Variants in ENG observed in about 807,000 individuals in gnomAD.
The protein encoded by ENG is endoglin, also known as CD105 antigen.
A neutral mutation model predicts 71.0 loss-of-function variants in ENG; 17 were observed. The ratio of observed to expected loss-of-function variants is 0.24; its 90% CI spans 0.16 to 0.36. ENG has a LOEUF of 0.36. Ranked by LOEUF, ENG falls within the 10% of genes least tolerant of loss-of-function variation. The pLI is 1.00. For missense variants in ENG, 749 were observed against 868.3 expected, an observed-to-expected ratio of 0.86 and a Z score of 1.73; for synonymous variants, 360 against 366.9, an observed-to-expected ratio of 0.98 and a Z score of 0.21.
At position 127,831,975 on chromosome 9, in the gene ENG, A is replaced by G. The variant is rs534788968; in HGVS notation, c.220-2148T>C. Among the ~76,000 whole-genome samples, 5 of 151,162 alleles carry G rather than the reference A, an allele frequency of 3.3e-5. No homozygotes were observed. The East Asian group carries it at 9.8e-4, about 30-fold the overall frequency. On this transcript the variant is annotated intron_variant, in intron 2 of 14. Coordinates refer to ENST00000373203, the MANE Select transcript of ENG (RefSeq NM_001114753.3). ...TTCCAGGCTAGAGTGCAGTGGTGCA[A>G]TCATGGCTCACTGCAGCCTCAACCT...
chr9:127,824,424 G>A lies in ENG; in HGVS notation c.1014C>T (p.Pro338=), dbSNP rs1057522787. Residue 338 remains proline (P), a synonymous_variant, in exon 8 of 15, where the codon CCC becomes CCT. Transcript: ENST00000373203. ...SSCGGRLQTS[P]APIQTTPPKD... is the part of the protein sequence containing the mutation. ...TGGGAGGAGTGGTCTGGATCGGTGC[G>A]GGTGAGGTCTGCAGCCTACCACCTG... 17 of 1,613,978 alleles carry A rather than the reference G, an allele frequency of 1.1e-5. No homozygotes were observed. The highest frequency in any genetic ancestry group is 8.0e-5 in the African/African-American group (6 of 74,898).
chr9:127,817,997 C>T lies in ENG; in HGVS notation c.1686+123G>A. 2.6e-6 allele frequency: 4 copies of T among 1,521,428 alleles called. No homozygotes were observed. The South Asian group carries it at 3.4e-5, about 13-fold the overall frequency. The allele number at this position is 1,521,428 out of a possible 1,614,324, so 94.2% of individuals were successfully genotyped here. ...GCAGCCAGACTGCCAGGCCACATGC[C>T]TGATTAAGGCTCCGCCCCTCACCAG... On this transcript the variant is annotated intron_variant, in intron 12 of 14. Transcript: ENST00000373203.
rs1305397134 is a variant in ENG at position 127,846,349 on chromosome 9, GTC to G, written c.68-3106_68-3105del. On this transcript the variant is annotated intron_variant, in intron 1 of 14. Coordinates refer to ENST00000373203, the MANE Select transcript of ENG (RefSeq NM_001114753.3). This position sits in a 1 kb window ranked among gnomAD's most constrained non-coding sequence, Gnocchi z 5.5. The stretch of plus-strand genomic sequence containing the variant: ...GTCTGGAGGGACGGGACAGGTCAAA[GTC>G]TCACAGCACATGGTTGACCAGGCCG... 1.3e-5 allele frequency among the ~76,000 whole-genome samples: 2 copies of G among 152,194 alleles called. No individual in the cohort carries two copies. The highest frequency in any genetic ancestry group is 4.8e-5 in the African/African-American group (2 of 41,446).
At position 127,817,060 on chromosome 9, in the gene ENG, G is replaced by A. The variant is rs1224982633; in HGVS notation, c.1741+89C>T. 2.0e-6 allele frequency: 3 copies of A among 1,475,134 alleles called. No individual in the cohort carries two copies. The African/African-American group carries it at 4.2e-5, about 20-fold the overall frequency. The allele number at this position is 1,475,134 out of a possible 1,614,324, so 91.4% of individuals were successfully genotyped here. ...TGGGGTCCCCCTTGCCATGTGCTAT[G>A]TGCCCAGGCCGTTTCTCAGGGCTGC... On this transcript the variant is annotated intron_variant, in intron 13 of 14. Transcript: ENST00000373203.
At chr9:127,826,924 C>A (rs1376707561) in intron 3 of ENG, 2 of 521,758 alleles carry the variant, frequency 3.8e-6, no homozygotes, top group East Asian at 3.5e-5. Flanking sequence ...CAAACATCAC[C>A]CACCCCTCCA....
At chr9:127,853,894 G>A (rs990018104) in intron 1 of ENG, among the ~76,000 whole-genome samples, 5 of 152,192 alleles carry the variant, frequency 3.3e-5, no homozygotes, top group African/African-American at 9.6e-5. Flanking sequence ...ACCCAGAGAC[G>A]GTGCTCAGAG....
At chr9:127,817,968 G>C in intron 12 of ENG, 152 bp downstream of exon 12, 1 of 1,279,942 alleles carries the variant, frequency 7.8e-7, no homozygotes, top group Admixed American at 2.1e-5. Flanking sequence ...AGAAAGTGCT[G>C]CTGGCAGCCA....
intron 2 of ENG, among the ~76,000 whole-genome samples, chr9:127,841,561 T>G (rs1831032829): frequency 6.6e-6 from 1 of 152,122 alleles, no homozygotes; most frequent in African/African-American, 2.4e-5. Flanking sequence ...ATTTGGAAAT[T>G]ATCAAAGCCC....
At chr9:127,842,220 CTTTTCTTTTTTTTT>C (rs1244607771) in intron 2 of ENG, among the ~76,000 whole-genome samples, 4 of 87,870 alleles carry the variant, frequency 4.6e-5, no homozygotes, top group Non-Finnish European at 6.2e-5. Context: ...TTCTCTTTTT[CTTTTCTTTTTTTTT>C]TTTTTTTTTT....
At chr9:127,832,345 A>G (rs561893427) in intron 2 of ENG, among the ~76,000 whole-genome samples, 36 of 151,984 alleles carry the variant, frequency 2.4e-4, no homozygotes, top group African/African-American at 8.4e-4. Flanking sequence ...AAAGTGCTGG[A>G]ATTACAGGCA....
intron 12 of ENG, 42 bp from the exon 13 acceptor site, chr9:127,817,245 G>A (rs1830346957): frequency 6.2e-7 from 1 of 1,610,318 alleles, no homozygotes; most frequent in Non-Finnish European, 8.5e-7. Context: ...CCTTTGGGAG[G>A]CGGCTTCCAG....
intron 1 of ENG, among the ~76,000 whole-genome samples, chr9:127,843,625 G>GTA (rs1332870630): frequency 2.0e-5 from 3 of 146,788 alleles, no homozygotes; most frequent in East Asian, 2.0e-4. Context: ...TGGGCCCCAT[G>GTA]TATATATGTG....
intron 3 of ENG, among the ~76,000 whole-genome samples, chr9:127,829,330 G>A (rs937352849): frequency 2.6e-5 from 4 of 152,238 alleles, no homozygotes; most frequent in African/African-American, 9.6e-5. Context: ...TCAAATATAT[G>A]TCGTGTAACT....
rs1830401278 is a variant in ENG, at chr9:127,818,842, G to A, written c.1312-10C>T. On this transcript the variant is annotated splice_polypyrimidine_tract_variant and intron_variant, in intron 10 of 14. Transcript: ENST00000373203. ...GGCAGTGCACCTTTTTCTGGGGGAG[G>A]ACGGGAGGGAGACTTGGTCAATCTG... The A allele has an allele frequency of 6.2e-7, 1 of 1,613,212 alleles. No homozygotes were observed. Among genetic ancestry groups the A allele is most frequent in the Non-Finnish European group, 8.5e-7 (1 of 1,179,502 alleles).
At chr9:127,837,817 A>ATCCATC (rs1280692329) in intron 2 of ENG, among the ~76,000 whole-genome samples, 3 of 80,924 alleles carry the variant, frequency 3.7e-5, no homozygotes, top group African/African-American at 8.7e-5. Flanking sequence ...CATCCATCCA[A>ATCCATC]CAGATATTGA....
intron 2 of ENG, among the ~76,000 whole-genome samples, chr9:127,837,957 G>A (rs376835403): frequency 1.8e-4 from 27 of 151,806 alleles, no homozygotes; most frequent in African/African-American, 6.5e-4. Context: ...TCTAATATTT[G>A]CAAGGCCTGA....
At chr9:127,822,397 T>C (rs1830489295) in intron 8 of ENG, 1 of 152,256 alleles carries the variant, frequency 6.6e-6, no homozygotes, top group African/African-American at 2.4e-5. Flanking sequence ...ATTCAAATCA[T>C]CTTTGGGAAA....
intron 12 of ENG, 130 bp from the exon 13 acceptor site, chr9:127,817,333 G>A (rs1830349304): frequency 2.2e-6 from 2 of 900,058 alleles, no homozygotes; most frequent in Admixed American, 2.0e-5. Context: ...TTCGTAGCTG[G>A]ATGCCTCTGG....
chr9:127,818,411 A>G, intron 11 of ENG, 34 bp from the exon 12 acceptor site: 1 of 1,610,168 alleles, frequency 6.2e-7, no homozygotes, highest in Non-Finnish European at 8.5e-7. Context: ...CGGCATGGGC[A>G]GCTGCTCTTC....
Sources: gnomAD v4.1 joint callset for allele counts (sites outside exome capture counted in the v4.1 genomes callset) on GRCh38, gnomAD v4.1.1 for gene constraint, Gnocchi (gnomAD v3.1) non-coding constraint, MANE v1.5 for transcripts, NCBI Gene and HGNC (gene_info 2026-07-23, HGNC 2026-07-21) for gene names.